SLC26A8: variants seen among roughly 807,000 people sequenced by gnomAD.
SLC26A8 encodes testis anion transporter 1.
Under a neutral mutation model 105.0 loss-of-function variants are expected in SLC26A8, and 70 were observed. The observed-to-expected ratio is 0.67, with a 90% CI of 0.55 to 0.81. The LOEUF is 0.81. Ranked by LOEUF, SLC26A8 falls within the 40% of genes least tolerant of loss-of-function variation. The probability of loss-of-function intolerance (pLI) is 0.00; values close to 1 mark genes in which losing one functional copy is unlikely to be tolerated. For missense variants in SLC26A8, 998 were observed against 1,181.8 expected, an observed-to-expected ratio of 0.84 and a Z score of 2.28; for synonymous variants, 415 against 438.3, an observed-to-expected ratio of 0.95 and a Z score of 0.66.
chr6:36,004,259 T>G (rs945508810), intron 3 of SLC26A8, among the ~76,000 whole-genome samples: 1 of 151,700 alleles, frequency 6.6e-6, no homozygotes, highest in African/African-American at 2.4e-5. Context: ...GTAGTTTTCA[T>G]AGAGACAGGG....
chr6:35,982,437 T>C (rs1445766347), intron 7 of SLC26A8, among the ~76,000 whole-genome samples: 1 of 152,182 alleles, frequency 6.6e-6, no homozygotes, highest in African/African-American at 2.4e-5. Flanking sequence ...AACAACTTGG[T>C]CTGTGAACAT....
In SLC26A8 at chr6:35,998,069, A is replaced by G. The variant is rs1346391209; in HGVS notation, c.446-150T>C. The G allele has an allele frequency of 8.5e-6, 6 of 709,244 alleles. No homozygotes were observed. In the Admixed American group the frequency reaches 8.7e-5, roughly 10 times the overall value. The allele number at this position is 709,244 out of a possible 1,614,324, so 43.9% of individuals were successfully genotyped here. On this transcript the variant is annotated intron_variant, in intron 4 of 19. Transcript: ENST00000490799. ...GGCCATTGAGAAGTAAGAAAAATCA[A>G]AAAAGAGAACTGTGTCTCCACATAT...
chr6:35,953,591 G>C (rs1771952810), intron 17 of SLC26A8, among the ~76,000 whole-genome samples: 1 of 152,182 alleles, frequency 6.6e-6, no homozygotes, highest in African/African-American at 2.4e-5. Flanking sequence ...CAGGAGGGGA[G>C]AACATAGCCC....
intron 19 of SLC26A8, among the ~76,000 whole-genome samples, chr6:35,946,557 A>G (rs1415175700): frequency 6.6e-6 from 1 of 152,202 alleles, no homozygotes; most frequent in Non-Finnish European, 1.5e-5. Flanking sequence ...TTCAATACAC[A>G]TGAAATAGAA....
chr6:35,949,868 C>G (rs1396845096), intron 19 of SLC26A8, among the ~76,000 whole-genome samples: 1 of 150,064 alleles, frequency 6.7e-6, no homozygotes, highest in Non-Finnish European at 1.5e-5. Flanking sequence ...TGCAGTGGCG[C>G]GATCTCGGCT....
At chr6:35,987,911 CTTTTT>C (rs34557500) in intron 7 of SLC26A8, among the ~76,000 whole-genome samples, 5 of 132,066 alleles carry the variant, frequency 3.8e-5, no homozygotes, top group Admixed American at 1.6e-4. Context: ...ACCTTTCTTT[CTTTTT>C]TTTTTTTTTT....
intron 16 of SLC26A8, among the ~76,000 whole-genome samples, chr6:35,957,752 A>G (rs754523200): frequency 6.6e-6 from 1 of 152,002 alleles, no homozygotes; most frequent in Non-Finnish European, 1.5e-5. Flanking sequence ...GATTACAGGC[A>G]TGAGCCACTA....
At chr6:35,988,749 G>A (rs999919751) in intron 7 of SLC26A8, among the ~76,000 whole-genome samples, 1 of 151,514 alleles carries the variant, frequency 6.6e-6, no homozygotes, top group Non-Finnish European at 1.5e-5. Context: ...CATCTCATTT[G>A]CCTCAATTTC....
At chr6:35,970,954 G>C (rs1031728388) in intron 10 of SLC26A8, among the ~76,000 whole-genome samples, 3 of 152,058 alleles carry the variant, frequency 2.0e-5, no homozygotes, top group Admixed American at 1.3e-4. Flanking sequence ...TTTGCACCTG[G>C]GAGGCAGAGG....
At position 35,975,194 on chromosome 6, in the gene SLC26A8, C is replaced by A. The variant is rs141913839; in HGVS notation, c.1287+181G>T. Among the ~76,000 whole-genome samples, 38 of 152,210 alleles carry A rather than the reference C, an allele frequency of 2.5e-4. No homozygotes were observed. The East Asian group carries it at 7.3e-3, about 29-fold the overall frequency. On this transcript the variant is annotated intron_variant, in intron 10 of 19. Transcript: ENST00000490799. ...CCACATTGACAAGTAACTTTTAAGA[C>A]AAAATCTGAGCAAAAATTAAGGCAA...
At chr6:36,022,612 A>G (rs746055519) in intron 1 of SLC26A8, among the ~76,000 whole-genome samples, 15 of 152,192 alleles carry the variant, frequency 9.9e-5, no homozygotes, top group Non-Finnish European at 1.9e-4. Context: ...GATGTTATCA[A>G]GTCATAAACT....
At chr6:35,956,221 C>T (rs570043253) in intron 16 of SLC26A8, among the ~76,000 whole-genome samples, 172 of 151,900 alleles carry the variant, frequency 1.1e-3, no homozygotes, top group Non-Finnish European at 1.2e-3. Flanking sequence ...CAAGATTGCA[C>T]CAGTGCACAC....
intron 14 of SLC26A8, chr6:35,960,131 AT>A (rs1772255505): frequency 5.0e-6 from 1 of 201,610 alleles, no homozygotes; most frequent in Non-Finnish European, 9.9e-6. Context: ...CTGGTCTCAA[AT>A]GCCTGGCCTC....
At chr6:35,952,655 G>A (rs2127292435) in intron 17 of SLC26A8, among the ~76,000 whole-genome samples, 1 of 152,270 alleles carries the variant, frequency 6.6e-6, no homozygotes, top group Non-Finnish European at 1.5e-5. Context: ...AATGACAAGT[G>A]CTGGAAAAGG....
intron 7 of SLC26A8, chr6:35,989,718 G>A (rs1355191625): frequency 6.6e-6 from 1 of 152,080 alleles, no homozygotes; most frequent in Admixed American, 6.6e-5. Flanking sequence ...GTCGCAACCA[G>A]GGTGCCCAGT....
chr6:35,971,853 A>G (rs1772811164), intron 10 of SLC26A8, among the ~76,000 whole-genome samples: 2 of 152,236 alleles, frequency 1.3e-5, no homozygotes, highest in African/African-American at 4.8e-5. Flanking sequence ...GCAGGTCCTT[A>G]GAAAGCAGGG....
At chr6:35,957,421 TA>T (rs1772119647) in intron 16 of SLC26A8, among the ~76,000 whole-genome samples, 1 of 151,954 alleles carries the variant, frequency 6.6e-6, no homozygotes, top group African/African-American at 2.4e-5. Flanking sequence ...GTATATATTG[TA>T]TAGCAGAAAA....
At chr6:35,980,137 T>C (rs1773213343) in intron 8 of SLC26A8, among the ~76,000 whole-genome samples, 2 of 152,136 alleles carry the variant, frequency 1.3e-5, no homozygotes, top group Admixed American at 6.6e-5. Flanking sequence ...TATGCCCAGC[T>C]AGTTTTTGTA....
intron 3 of SLC26A8, among the ~76,000 whole-genome samples, chr6:36,006,329 A>T (rs1343597414): frequency 6.6e-6 from 1 of 152,184 alleles, no homozygotes; most frequent in African/African-American, 2.4e-5. Flanking sequence ...CATATTGGCT[A>T]GGCTGGTCTC....
Sources: allele counts gnomAD v4.1 joint callset (sites outside exome capture counted in the v4.1 genomes callset), GRCh38; gene constraint gnomAD v4.1.1; transcripts MANE v1.5; gene names NCBI Gene and HGNC (gene_info 2026-07-23, HGNC 2026-07-21).